SYNE1: variants seen among roughly 807,000 people sequenced by gnomAD.
SYNE1 encodes spectrin repeat containing nuclear envelope protein 1.
Under a neutral mutation model 1,111.0 loss-of-function variants are expected in SYNE1, and 616 were observed. The observed-to-expected ratio is 0.55, with a 90% CI of 0.52 to 0.59. The LOEUF (loss-of-function observed/expected upper bound fraction) is 0.59. Among genes scored for constraint, SYNE1 ranks in the 20% least tolerant of loss-of-function variants. SYNE1 has a pLI of 0.00. For synonymous variants in SYNE1, 3,855 were observed against 3,825.8 expected (o/e 1.01, Z -0.28); for missense variants, 10,006 against 10,417.0 (o/e 0.96, Z 1.72).
Position 152,316,964 on chromosome 6 carries a change from T to C in SYNE1, c.16595A>G (p.Tyr5532Cys), listed in dbSNP as rs1563012364. Reference sequence around the variant, plus strand: ...CAAAATTAATTCAAGCATTTCATTGTATTCTTCTAAATGTGATGCTGCCTG... The same window carrying C: ...CAAAATTAATTCAAGCATTTCATTGCATTCTTCTAAATGTGATGCTGCCTG... ...LNQAASHLEEYNEMLELILKW... is the reference protein window; with the variant it reads ...LNQAASHLEECNEMLELILKW... The change falls in exon 87 of 146, where the codon TAC becomes TGC. Residue 5532 changes from tyrosine to cysteine, a missense_variant. Around this residue, in one of 7 missense-constraint regions of SYNE1, gnomAD observed 4,955 missense variants for 5,017.2 expected, o/e 0.99. Coordinates refer to ENST00000367255, the MANE Select transcript of SYNE1 (RefSeq NM_182961.4). 1 of 1,614,098 alleles carries C rather than the reference T, an allele frequency of 6.2e-7. No homozygotes were observed. Among genetic ancestry groups the C allele is most frequent in the Non-Finnish European group, 8.5e-7 (1 of 1,180,008 alleles).
intron 99 of SYNE1, among the ~76,000 whole-genome samples, chr6:152,268,465 C>A (rs1313681954): frequency 6.6e-6 from 1 of 150,454 alleles, no homozygotes; most frequent in Non-Finnish European, 1.5e-5. Context: ...ACAAAATGTA[C>A]TCTCATTTTT....
chr6:152,225,709 G>T lies in SYNE1; in HGVS notation c.21351+12C>A, dbSNP rs1442117925. ...CACGGTCCTGGAGCTGGCTTTCTGT[G>T]AGCAATATTACCATGTGATCTAAAT... On this transcript the variant is annotated intron_variant, in intron 116 of 145. Transcript: ENST00000367255. 6.2e-7 allele frequency: 1 copy of T among 1,613,958 alleles called. No homozygotes were observed. Among genetic ancestry groups the T allele is most frequent in the East Asian group, 2.2e-5 (1 of 44,886 alleles).
At chr6:152,332,748 A>T (rs2096276775) in intron 77 of SYNE1, among the ~76,000 whole-genome samples, 1 of 152,220 alleles carries the variant, frequency 6.6e-6, no homozygotes, top group Non-Finnish European at 1.5e-5. Context: ...ATCATTAGTA[A>T]TCTTTAGTAA....
At chr6:152,448,475 T>C (rs2098613679) in intron 28 of SYNE1, among the ~76,000 whole-genome samples, 1 of 152,146 alleles carries the variant, frequency 6.6e-6, no homozygotes, top group African/African-American at 2.4e-5. Context: ...CAGTAGCAAA[T>C]GTAGATATCC....
chr6:152,284,787 G>A (rs1441189810), intron 95 of SYNE1, among the ~76,000 whole-genome samples: 1 of 151,914 alleles, frequency 6.6e-6, no homozygotes, highest in South Asian at 2.1e-4. Context: ...AAAATAAAAT[G>A]TATTACTTTC....
chr6:152,283,539 G>T (rs2094150470), intron 96 of SYNE1, among the ~76,000 whole-genome samples: 1 of 152,072 alleles, frequency 6.6e-6, no homozygotes, highest in Admixed American at 6.6e-5. Flanking sequence ...TTGTTTGTTT[G>T]TTTGTTTGCT....
chr6:152,547,788 T>TA (rs1235930781), intron 3 of SYNE1, among the ~76,000 whole-genome samples: 1 of 152,186 alleles, frequency 6.6e-6, no homozygotes, highest in African/African-American at 2.4e-5. Context: ...GTATCTCACT[T>TA]ATTTAATTTA....
intron 3 of SYNE1, among the ~76,000 whole-genome samples, chr6:152,567,442 T>C (rs1216630704): frequency 1.3e-5 from 2 of 152,210 alleles, no homozygotes; most frequent in Admixed American, 6.5e-5. Context: ...ATAGTAAAGA[T>C]CGTAATTAGC....
Position 152,288,828 on chromosome 6 carries a change from G to T in SYNE1, c.18013-4656C>A, listed in dbSNP as rs375455244. On this transcript the variant is annotated intron_variant, in intron 95 of 145. Transcript: ENST00000367255. ...CCCAAAGTGCTGGGATTACAGGTGT[G>T]AGCCACTGTGCCCAGCCTCACTTAA... Among the ~76,000 whole-genome samples, 5 of 152,178 alleles carry T rather than the reference G, an allele frequency of 3.3e-5. No individual in the cohort carries two copies. The South Asian group carries it at 8.3e-4, about 25-fold the overall frequency.
chr6:152,161,339 G>C (rs2062458196), intron 131 of SYNE1, among the ~76,000 whole-genome samples: 1 of 148,052 alleles, frequency 6.8e-6, no homozygotes, highest in Admixed American at 6.7e-5. Context: ...TTTTTTAGCA[G>C]GGGACTTTTA....
chr6:152,236,743 T>C, intron 109 of SYNE1, 74 bp downstream of exon 109: 1 of 1,553,940 alleles, frequency 6.4e-7, no homozygotes, highest in South Asian at 1.1e-5. Flanking sequence ...AAATAATTGA[T>C]CACAAGTTTG....
intron 13 of SYNE1, 91 bp downstream of exon 13, chr6:152,484,744 T>A (rs377532942): frequency 7.2e-7 from 1 of 1,383,178 alleles, no homozygotes. Context: ...CAGTAGAACC[T>A]GTTGCCATAC....
chr6:152,278,393 C>A (rs2093788419), intron 97 of SYNE1, 113 bp from the exon 98 acceptor site: 1 of 1,296,546 alleles, frequency 7.7e-7, no homozygotes, highest in South Asian at 1.2e-5. Flanking sequence ...GACAGGCTTT[C>A]ATGATTTTTT....
chr6:152,476,416 A>G (rs7775384), intron 14 of SYNE1, among the ~76,000 whole-genome samples: 78,880 of 151,862 alleles, frequency 0.52, 22,250 homozygotes, highest in East Asian at 0.76. Context: ...CCCTCACAAC[A>G]TATTCAGAAT....
At chr6:152,564,088 G>A (rs1406706727) in intron 3 of SYNE1, among the ~76,000 whole-genome samples, 1 of 152,136 alleles carries the variant, frequency 6.6e-6, no homozygotes, top group Non-Finnish European at 1.5e-5. Context: ...ATTTTATACT[G>A]CGTAAGACAA....
intron 3 of SYNE1, among the ~76,000 whole-genome samples, chr6:152,590,792 G>A (rs925630832): frequency 3.3e-5 from 5 of 152,072 alleles, no homozygotes; most frequent in Admixed American, 2.0e-4. Flanking sequence ...TTTGAAACTC[G>A]TCTCACATAC....
At chr6:152,454,191 CAT>C (rs890011919) in intron 24 of SYNE1, among the ~76,000 whole-genome samples, 10 of 152,172 alleles carry the variant, frequency 6.6e-5, no homozygotes, top group African/African-American at 1.9e-4. Flanking sequence ...CAGAAGCACA[CAT>C]GTGCACACAG....
chr6:152,569,379 G>A (rs1205511732), intron 3 of SYNE1, among the ~76,000 whole-genome samples: 1 of 152,172 alleles, frequency 6.6e-6, no homozygotes, highest in Non-Finnish European at 1.5e-5. Flanking sequence ...TGAAATGGAG[G>A]TAATGATGGC....
intron 39 of SYNE1, among the ~76,000 whole-genome samples, chr6:152,423,065 G>A (rs1312343401): frequency 6.6e-6 from 1 of 152,188 alleles, no homozygotes; most frequent in Non-Finnish European, 1.5e-5. Context: ...TAGGAAAGAT[G>A]AACTGAGAGT....
Sources: allele counts gnomAD v4.1 joint callset (sites outside exome capture counted in the v4.1 genomes callset), GRCh38; gene constraint gnomAD v4.1.1; regional missense constraint gnomAD v4.1.1; transcripts MANE v1.5; gene names NCBI Gene and HGNC (gene_info 2026-07-23, HGNC 2026-07-21).